Variants in SULT6B1 observed in about 807,000 individuals in gnomAD.
The protein encoded by SULT6B1 is sulfotransferase 6B1.
Under a neutral mutation model 37.2 loss-of-function variants are expected in SULT6B1, and 44 were observed. The ratio of observed to expected loss-of-function variants is 1.18; its 90% CI spans 0.93 to 1.52. The LOEUF is 1.52. SULT6B1 is among the 40% of genes most tolerant of loss of function. The pLI is 0.00. For missense variants in SULT6B1, 450 were observed against 361.0 expected, an observed-to-expected ratio of 1.25 and a Z score of -2.00; for synonymous variants, 140 against 126.0, an observed-to-expected ratio of 1.11 and a Z score of -0.74.
At chr2:37,182,792 A>G (rs1402777239) in intron 3 of SULT6B1, among the ~76,000 whole-genome samples, 2 of 152,370 alleles carry the variant, frequency 1.3e-5, no homozygotes, top group Non-Finnish European at 2.9e-5. Context: ...ACTGATTAAT[A>G]AAACAACATT....
chr2:37,184,807 G>C (rs1034758047), intron 2 of SULT6B1, among the ~76,000 whole-genome samples: 1 of 151,718 alleles, frequency 6.6e-6, no homozygotes, highest in East Asian at 1.9e-4. Flanking sequence ...ACTCCAGCCT[G>C]AGCGACAGAG....
intron 6 of SULT6B1, 142 bp from the exon 7 acceptor site, chr2:37,168,207 T>A (rs1417507457): frequency 1.3e-6 from 1 of 798,624 alleles, no homozygotes; most frequent in Non-Finnish European, 1.8e-6. Flanking sequence ...TTAGTTTTTT[T>A]CAGACGGTGT....
At chr2:37,178,669 T>A (rs1271438481) in intron 4 of SULT6B1, among the ~76,000 whole-genome samples, 1 of 152,182 alleles carries the variant, frequency 6.6e-6, no homozygotes, top group Non-Finnish European at 1.5e-5. Flanking sequence ...TAATAGACAC[T>A]TAGAGTTATC....
chr2:37,189,639 C>T (rs536698568), upstream of SULT6B1, among the ~76,000 whole-genome samples: 2 of 152,274 alleles, frequency 1.3e-5, no homozygotes, highest in South Asian at 2.1e-4. Context: ...AGGCTTTCTT[C>T]CCTTTTCTAG....
At chr2:37,179,817 G>GAATT (rs1428245431) in intron 3 of SULT6B1, among the ~76,000 whole-genome samples, 1 of 152,126 alleles carries the variant, frequency 6.6e-6, no homozygotes, top group Non-Finnish European at 1.5e-5. Context: ...TCTTGCAAAT[G>GAATT]AATTTAGGCA....
At chr2:37,185,717 C>CAAAAAAAAAAAAA (rs200087048) in intron 2 of SULT6B1, among the ~76,000 whole-genome samples, 2 of 83,386 alleles carry the variant, frequency 2.4e-5, no homozygotes, top group East Asian at 2.3e-4. Context: ...GACTCCATTT[C>CAAAAAAAAAAAAA]AAAAAAAAAA....
chr2:37,193,606 G>GAAGAAGAAGAAGAAGAAGAA (rs1676829050), upstream of SULT6B1, among the ~76,000 whole-genome samples: 1 of 123,762 alleles, frequency 8.1e-6, no homozygotes, highest in Non-Finnish European at 1.7e-5. Context: ...AAAAGAAGAA[G>GAAGAAGAAGAAGAAGAAGAA]AAGAAGAAGA....
rs562973819 is a variant in SULT6B1 at position 37,171,339 on chromosome 2, C to A, written c.781+95G>T. On this transcript the variant is annotated intron_variant, in intron 6 of 6. Coordinates refer to ENST00000535679, the MANE Select transcript of SULT6B1 (RefSeq NM_001367551.1). The stretch of plus-strand genomic sequence containing the variant: ...CTTACTGAGGCGGAGAAAAATAAAA[C>A]CCTATCTGACTTAAGATGAAGTTAT... 1.1e-5 allele frequency: 16 copies of A among 1,447,730 alleles called. No individual in the cohort carries two copies. In the East Asian group the frequency reaches 3.2e-4, roughly 29 times the overall value. The allele number at this position is 1,447,730 out of a possible 1,614,324, so 89.7% of individuals were successfully genotyped here.
intron 4 of SULT6B1, among the ~76,000 whole-genome samples, chr2:37,176,410 C>T (rs1330996463): frequency 1.3e-5 from 2 of 151,874 alleles, no homozygotes; most frequent in East Asian, 1.9e-4. Flanking sequence ...CAGGCACACA[C>T]CACCATGCCT....
chr2:37,168,840 G>C (rs1163799304), intron 6 of SULT6B1, among the ~76,000 whole-genome samples: 1 of 152,092 alleles, frequency 6.6e-6, no homozygotes, highest in African/African-American at 2.4e-5. Context: ...AAGATCTTTT[G>C]ATCATTTAGG....
At chr2:37,194,601 T>C in intron 1 of SULT6B1, 1 of 370,972 alleles carries the variant, frequency 2.7e-6, no homozygotes, top group South Asian at 2.2e-5. Flanking sequence ...CCGGATCTCT[T>C]TGAGTGCCTG....
At chr2:37,172,934 C>A (rs1428266397) in intron 5 of SULT6B1, among the ~76,000 whole-genome samples, 2 of 151,994 alleles carry the variant, frequency 1.3e-5, no homozygotes, top group African/African-American at 4.8e-5. Flanking sequence ...CTCACTGCAA[C>A]CTCCACCTCC....
chr2:37,178,614 AT>A (rs10713033), intron 4 of SULT6B1, among the ~76,000 whole-genome samples: 44,916 of 152,124 alleles, frequency 0.3, 7,692 homozygotes, highest in East Asian at 0.79. Flanking sequence ...TAAATCTTAA[AT>A]TAAAATAATG....
chr2:37,181,163 G>A (rs570804237), intron 3 of SULT6B1, among the ~76,000 whole-genome samples: 36 of 152,210 alleles, frequency 2.4e-4, no homozygotes, highest in Non-Finnish European at 4.7e-4. Context: ...TCTGGGTCTT[G>A]TCTTGTACTT....
intron 2 of SULT6B1, among the ~76,000 whole-genome samples, chr2:37,184,712 G>A (rs1250288685): frequency 6.6e-6 from 1 of 152,102 alleles, no homozygotes; most frequent in Non-Finnish European, 1.5e-5. Flanking sequence ...CACACCTGTA[G>A]TCCCAGCTAC....
chr2:37,194,179 T>C (rs942658380), intron 1 of SULT6B1, among the ~76,000 whole-genome samples: 2 of 147,186 alleles, frequency 1.4e-5, no homozygotes, highest in Admixed American at 6.8e-5. Context: ...TGTCTGTAGA[T>C]TTTTTTTTTT....
intron 2 of SULT6B1, among the ~76,000 whole-genome samples, chr2:37,184,414 T>C (rs1403128204): frequency 6.6e-6 from 1 of 152,238 alleles, no homozygotes; most frequent in Non-Finnish European, 1.5e-5. Context: ...TAGATAATTT[T>C]GAAGATAAAA....
At position 37,177,227 on chromosome 2, in the gene SULT6B1, G is replaced by C. The variant is rs191082481; in HGVS notation, c.530-2001C>G. Reference sequence around the variant, plus strand: ...AAGCTAGACACAAAAAGAAAAATACGAAGCCTGGGCAATATAGTGAGGCCC... The same window carrying C: ...AAGCTAGACACAAAAAGAAAAATACCAAGCCTGGGCAATATAGTGAGGCCC... On this transcript the variant is annotated intron_variant, in intron 4 of 6. Coordinates refer to ENST00000535679, the MANE Select transcript of SULT6B1 (RefSeq NM_001367551.1). Among the ~76,000 whole-genome samples the C allele has an allele frequency of 3.6e-3, 548 of 151,654 alleles. 1 individual carries two copies. The highest frequency in any genetic ancestry group is 0.024 in the Middle Eastern group (7 of 294).
Position 37,175,156 on chromosome 2 carries a change from G to A in SULT6B1, c.600C>T (p.Phe200=). 6.4e-7 allele frequency: 1 copy of A among 1,552,368 alleles called. No homozygotes were observed. The highest frequency in any genetic ancestry group is 8.7e-7 in the Non-Finnish European group (1 of 1,147,388). ...NKHLDGDNVK[F]ILYEDLKENL... The stretch of plus-strand genomic sequence containing the variant: ...CCTCTTTCAGGTCTTCATATAATAT[G>A]AACTTAACATTGTCGCCATCAAGAT... The change falls in exon 5 of 7, where the codon TTC becomes TTT. Residue 200 remains phenylalanine (F), a synonymous_variant. Coordinates refer to ENST00000535679, the MANE Select transcript of SULT6B1 (RefSeq NM_001367551.1).
Sources: gnomAD v4.1 joint callset for allele counts (sites outside exome capture counted in the v4.1 genomes callset) on GRCh38, gnomAD v4.1.1 for gene constraint, MANE v1.5 for transcripts, NCBI Gene and HGNC (gene_info 2026-07-23, HGNC 2026-07-21) for gene names.